The following GRB2 variants were observed in gnomAD, a reference collection of about 807,000 sequenced individuals.
GRB2 encodes growth factor receptor-bound protein 2.
A neutral mutation model predicts 27.4 loss-of-function variants in GRB2; 2 were observed. The ratio of observed to expected loss-of-function variants is 0.07; its 90% CI spans 0.03 to 0.23. The LOEUF (loss-of-function observed/expected upper bound fraction) is 0.23, where lower values mean the gene tolerates loss of function less well. Ranked by LOEUF, GRB2 falls within the 10% of genes least tolerant of loss-of-function variation. The pLI is 1.00. For missense variants in GRB2, 102 were observed against 282.4 expected, an observed-to-expected ratio of 0.36 and a Z score of 4.58; for synonymous variants, 94 against 99.6, an observed-to-expected ratio of 0.94 and a Z score of 0.33.
intron 2 of GRB2, among the ~76,000 whole-genome samples, chr17:75,358,088 TTGATGTAATCTAAA>T (rs1488231676): frequency 6.6e-6 from 1 of 152,194 alleles, no homozygotes; most frequent in African/African-American, 2.4e-5. Context: ...GAAATTACCA[TTGATGTAATCTAAA>T]TGATGGTCTT....
At chr17:75,347,689 G>C (rs1215878732) in intron 2 of GRB2, among the ~76,000 whole-genome samples, 1 of 152,048 alleles carries the variant, frequency 6.6e-6, no homozygotes, top group Non-Finnish European at 1.5e-5. Flanking sequence ...CTGAACCTGG[G>C]AACAAGCCAT....
intron 2 of GRB2, among the ~76,000 whole-genome samples, chr17:75,343,479 A>C (rs1298871934): frequency 1.3e-5 from 2 of 152,232 alleles, no homozygotes; most frequent in African/African-American, 4.8e-5. Context: ...TAAGACGACT[A>C]ACCAAATTAC....
At chr17:75,374,894 TTC>T (rs1265505205) in intron 2 of GRB2, among the ~76,000 whole-genome samples, 1 of 152,148 alleles carries the variant, frequency 6.6e-6, no homozygotes, top group South Asian at 2.1e-4. Flanking sequence ...ATTTAAATAA[TTC>T]TGTTTCTTTT....
intron 2 of GRB2, among the ~76,000 whole-genome samples, chr17:75,364,851 C>T (rs1044133695): frequency 2.6e-5 from 4 of 151,452 alleles, no homozygotes; most frequent in African/African-American, 9.7e-5. Flanking sequence ...AAAAACCCAG[C>T]CAAGCAGAAA....
chr17:75,384,805 G>T (rs1011242467), intron 2 of GRB2, among the ~76,000 whole-genome samples: 2 of 151,920 alleles, frequency 1.3e-5, no homozygotes, highest in African/African-American at 4.8e-5. Flanking sequence ...AGACCATTCA[G>T]AAAGAGATCT....
intron 2 of GRB2, among the ~76,000 whole-genome samples, chr17:75,384,978 G>A (rs1598251407): frequency 1.6e-5 from 2 of 124,540 alleles, no homozygotes; most frequent in East Asian, 5.3e-4. Context: ...GATCGCTTGA[G>A]CCCAGGAGTT....
chr17:75,326,363 T>A (rs1185717313), intron 3 of GRB2: 1 of 269,930 alleles, frequency 3.7e-6, no homozygotes, highest in Non-Finnish European at 7.2e-6. Context: ...AGCTCAGGCC[T>A]TTGGGCTTGG....
chr17:75,355,678 T>TCAAAGC (rs1181316787), intron 2 of GRB2, among the ~76,000 whole-genome samples: 1 of 151,868 alleles, frequency 6.6e-6, no homozygotes, highest in African/African-American at 2.4e-5. Flanking sequence ...TGGGCCGCCT[T>TCAAAGC]CAAAGCCATC....
chr17:75,343,626 T>G (rs1193643461), intron 2 of GRB2, among the ~76,000 whole-genome samples: 1 of 152,188 alleles, frequency 6.6e-6, no homozygotes, highest in Non-Finnish European at 1.5e-5. Context: ...TAGTTCACAC[T>G]TATGTGATAT....
intron 2 of GRB2, among the ~76,000 whole-genome samples, chr17:75,391,807 CAAAA>C (rs60382091): frequency 2.5e-5 from 3 of 121,838 alleles, no homozygotes; most frequent in African/African-American, 1.2e-4. Flanking sequence ...GACTCCATCT[CAAAA>C]AAAAAAAAAA....
chr17:75,333,829 G>C (rs1386742095), intron 2 of GRB2, among the ~76,000 whole-genome samples: 1 of 152,180 alleles, frequency 6.6e-6, no homozygotes, highest in African/African-American at 2.4e-5. Flanking sequence ...GGAAATCCTG[G>C]AACTGAACCA....
chr17:75,367,890 GT>G (rs200988188), intron 2 of GRB2, among the ~76,000 whole-genome samples: 7 of 148,962 alleles, frequency 4.7e-5, no homozygotes, highest in Admixed American at 1.3e-4. Flanking sequence ...CGTTGTTTTG[GT>G]TTTTTTTTTG....
chr17:75,402,966 T>C (rs1447200274), intron 1 of GRB2, among the ~76,000 whole-genome samples: 1 of 146,234 alleles, frequency 6.8e-6, no homozygotes, highest in Non-Finnish European at 1.5e-5. Flanking sequence ...TCCCAGCTAC[T>C]AGCGAGGCTG....
intron 1 of GRB2, among the ~76,000 whole-genome samples, chr17:75,399,104 G>A (rs1746142884): frequency 6.6e-6 from 1 of 152,074 alleles, no homozygotes; most frequent in Admixed American, 6.5e-5. Flanking sequence ...CTGAAGTGCA[G>A]TGGAGCAATC....
At chr17:75,362,334 A>C (rs989639641) in intron 2 of GRB2, among the ~76,000 whole-genome samples, 2 of 152,232 alleles carry the variant, frequency 1.3e-5, no homozygotes, top group African/African-American at 4.8e-5. Flanking sequence ...ATATTTATGT[A>C]CTGTACTGTT....
chr17:75,380,964 G>A (rs890986753), intron 2 of GRB2, among the ~76,000 whole-genome samples: 2 of 152,180 alleles, frequency 1.3e-5, no homozygotes, highest in Admixed American at 6.6e-5. Context: ...TCTGGTTAGG[G>A]ATTATGGGCC....
intron 2 of GRB2, among the ~76,000 whole-genome samples, chr17:75,374,098 T>C (rs1241200913): frequency 1.3e-5 from 2 of 151,506 alleles, no homozygotes; most frequent in East Asian, 4.0e-4. Flanking sequence ...CCCTGCCAGG[T>C]ACTGATATTC....
chr17:75,355,472 T>G (rs1216675123), intron 2 of GRB2, among the ~76,000 whole-genome samples: 1 of 152,046 alleles, frequency 6.6e-6, no homozygotes, highest in Non-Finnish European at 1.5e-5. Flanking sequence ...GTGAAAAGAA[T>G]TTTACAGTGA....
intron 2 of GRB2, among the ~76,000 whole-genome samples, chr17:75,369,745 A>G (rs914198133): frequency 1.3e-5 from 2 of 150,720 alleles, no homozygotes; most frequent in African/African-American, 4.9e-5. Context: ...TGTAGTCCCC[A>G]GCTACTCAGG....
Sources: gnomAD v4.1 joint callset for allele counts (sites outside exome capture counted in the v4.1 genomes callset) on GRCh38, gnomAD v4.1.1 for gene constraint, MANE v1.5 for transcripts, NCBI Gene and HGNC (gene_info 2026-07-23, HGNC 2026-07-21) for gene names.